Variants in WDR27 observed in about 807,000 individuals in gnomAD.
The protein encoded by WDR27 is WD repeat domain 27.
A neutral mutation model predicts 114.4 loss-of-function variants in WDR27; 100 were observed. That is an observed-to-expected ratio of 0.87 (90% CI 0.74 to 1.03). The LOEUF (loss-of-function observed/expected upper bound fraction) is 1.03. Among genes scored for constraint, WDR27 ranks in the 50% least tolerant of loss-of-function variants. WDR27 has a pLI of 0.00. For synonymous variants in WDR27, 449 were observed against 423.1 expected (o/e 1.06, Z -0.75); for missense variants, 1,129 against 1,092.9 (o/e 1.03, Z -0.47).
intron 1 of WDR27, among the ~76,000 whole-genome samples, chr6:169,697,436 C>T (rs1293388092): frequency 6.6e-5 from 10 of 152,114 alleles, no homozygotes; most frequent in Admixed American, 6.5e-4. Context: ...AGGGAATCTC[C>T]CTTTCTCCCG....
chr6:169,518,975 T>G (rs1232402912), intron 25 of WDR27, among the ~76,000 whole-genome samples: 1 of 152,178 alleles, frequency 6.6e-6, no homozygotes, highest in Non-Finnish European at 1.5e-5. Flanking sequence ...ACTCTGAAGT[T>G]CAAATTTCCA....
intron 25 of WDR27, among the ~76,000 whole-genome samples, chr6:169,556,214 T>C (rs1798869043): frequency 6.6e-6 from 1 of 152,152 alleles, no homozygotes; most frequent in Non-Finnish European, 1.5e-5. Flanking sequence ...TTCCACCCTG[T>C]AGCCAGCAAG....
intron 25 of WDR27, among the ~76,000 whole-genome samples, chr6:169,526,507 G>T (rs891252492): frequency 2.0e-5 from 3 of 152,082 alleles, no homozygotes; most frequent in African/African-American, 7.2e-5. Context: ...CAGCTACTCG[G>T]GAGGCTGAGG....
At chr6:169,452,987 G>C (rs552961814), downstream of WDR27, among the ~76,000 whole-genome samples, 38 of 152,298 alleles carry the variant, frequency 2.5e-4, 1 homozygote, top group Admixed American at 7.8e-4. Flanking sequence ...TCCCTCCCCA[G>C]CCTCCCTGGT....
At chr6:169,565,470 C>A (rs768008603) in intron 25 of WDR27, among the ~76,000 whole-genome samples, 1 of 152,160 alleles carries the variant, frequency 6.6e-6, no homozygotes, top group Admixed American at 6.5e-5. Context: ...CCTAAAAACA[C>A]CCCCACCAGG....
At chr6:169,622,127 A>G (rs1273620414) in intron 21 of WDR27, among the ~76,000 whole-genome samples, 1 of 152,220 alleles carries the variant, frequency 6.6e-6, no homozygotes, top group Non-Finnish European at 1.5e-5. Context: ...TTATGTACCC[A>G]GGACCTGAAG....
chr6:169,620,492 G>A (rs779362895), intron 21 of WDR27, among the ~76,000 whole-genome samples: 1 of 152,098 alleles, frequency 6.6e-6, no homozygotes, highest in African/African-American at 2.4e-5. Context: ...CACTGAGCTA[G>A]ACTAAATTGT....
intron 25 of WDR27, among the ~76,000 whole-genome samples, chr6:169,466,992 T>C (rs1336432958): frequency 2.0e-5 from 3 of 152,174 alleles, no homozygotes; most frequent in African/African-American, 7.2e-5. Flanking sequence ...TAAATACCCA[T>C]TTCAAATGGA....
chr6:169,568,041 C>A (rs958894846), intron 25 of WDR27, among the ~76,000 whole-genome samples: 20 of 152,198 alleles, frequency 1.3e-4, no homozygotes, highest in African/African-American at 4.8e-4. Flanking sequence ...CTGCCGAAAC[C>A]GCACTGTAAA....
rs991999249 is a variant in WDR27 at position 169,497,031 on chromosome 6, C to T, written c.2646-39397G>A. Among the ~76,000 whole-genome samples the T allele has an allele frequency of 2.6e-5, 4 of 152,056 alleles. No individual in the cohort carries two copies. In the South Asian group the frequency reaches 8.3e-4, roughly 32 times the overall value. On this transcript the variant is annotated intron_variant, in intron 25 of 25. Coordinates refer to ENST00000448612, the MANE Select transcript of WDR27 (RefSeq NM_182552.5). Reference sequence around the variant, plus strand: ...CTGGAGGACCTACACTTTCTAATTTCACACATTAATACAGAGCTACAGTAA... The same window carrying T: ...CTGGAGGACCTACACTTTCTAATTTTACACATTAATACAGAGCTACAGTAA...
chr6:169,514,773 T>TATATATATATATAC, intron 25 of WDR27, among the ~76,000 whole-genome samples: 1 of 148,862 alleles, frequency 6.7e-6, no homozygotes, highest in African/African-American at 2.4e-5. Flanking sequence ...TATATATATA[T>TATATATATATATAC]ATATGATCAT....
chr6:169,443,424 G>A, the WDR27 span, among the ~76,000 whole-genome samples: 3 of 98,898 alleles, frequency 3.0e-5, no homozygotes, highest in African/African-American at 1.7e-4. Context: ...CTACTTTACA[G>A]TAACATATGG....
intron 18 of WDR27, among the ~76,000 whole-genome samples, chr6:169,637,429 G>C (rs549746564): frequency 2.6e-5 from 4 of 152,272 alleles, no homozygotes; most frequent in African/African-American, 4.8e-5. Flanking sequence ...CATGTGGCAA[G>C]TGTGTAAGTG....
chr6:169,606,173 T>G (rs1018173220), intron 22 of WDR27, among the ~76,000 whole-genome samples: 1 of 152,154 alleles, frequency 6.6e-6, no homozygotes, highest in Non-Finnish European at 1.5e-5. Context: ...ATGGAAAACC[T>G]GCAGAATGGG....
chr6:169,497,934 T>A (rs554826412), intron 25 of WDR27, among the ~76,000 whole-genome samples: 1 of 151,970 alleles, frequency 6.6e-6, no homozygotes, highest in South Asian at 2.1e-4. Context: ...GAAAGCAGGG[T>A]CTTGAAGAGA....
Position 169,602,322 on chromosome 6 carries a change from C to A in WDR27, c.2322-1G>T. 1 of 1,516,146 alleles carries A rather than the reference C, an allele frequency of 6.6e-7. No homozygotes were observed. Among genetic ancestry groups the A allele is most frequent in the Non-Finnish European group, 8.9e-7 (1 of 1,117,536 alleles). 93.9% of individuals were successfully genotyped at this position (1,516,146 alleles called of 1,614,324 possible). A position where few individuals can be genotyped will look rare whatever the true frequency, so the allele number is the denominator to read the frequency against. ...ATGCCCTTCAAAGTGGCGCTCACACCTACAGGGAGGAAAGAAACACCAGGA... is the reference window on the plus strand; with the variant it reads ...ATGCCCTTCAAAGTGGCGCTCACACATACAGGGAGGAAAGAAACACCAGGA... On this transcript the variant is annotated splice_acceptor_variant, in intron 22 of 25. Transcript: ENST00000448612. LOFTEE classifies it high-confidence loss of function.
intron 25 of WDR27, among the ~76,000 whole-genome samples, chr6:169,476,537 T>C (rs1317625114): frequency 6.6e-6 from 1 of 152,210 alleles, no homozygotes; most frequent in East Asian, 1.9e-4. Context: ...GTTGGCCCCC[T>C]GGACCCACTT....
chr6:169,593,068 CAA>C (rs1806068563), intron 23 of WDR27, among the ~76,000 whole-genome samples: 1 of 152,176 alleles, frequency 6.6e-6, no homozygotes, highest in Non-Finnish European at 1.5e-5. Context: ...TTAAGCTTTT[CAA>C]TTGATATTCA....
chr6:169,546,726 A>C (rs1001012273), intron 25 of WDR27, among the ~76,000 whole-genome samples: 8 of 152,208 alleles, frequency 5.3e-5, no homozygotes, highest in Admixed American at 3.3e-4. Flanking sequence ...GAGCTACCAC[A>C]AAATGAGAAT....
Sources: gnomAD v4.1 joint callset for allele counts (sites outside exome capture counted in the v4.1 genomes callset) on GRCh38, gnomAD v4.1.1 for gene constraint, MANE v1.5 for transcripts, NCBI Gene and HGNC (gene_info 2026-07-23, HGNC 2026-07-21) for gene names.